Variants in RAB3C observed in about 807,000 individuals in gnomAD.
The protein encoded by RAB3C is ras-related protein Rab-3C.
Under a neutral mutation model 26.4 loss-of-function variants are expected in RAB3C, and 17 were observed. The ratio of observed to expected loss-of-function variants is 0.64; its 90% CI spans 0.44 to 0.97. The LOEUF (loss-of-function observed/expected upper bound fraction) is 0.97, where lower values mean the gene tolerates loss of function less well. Ranked by LOEUF, RAB3C falls within the 50% of genes least tolerant of loss-of-function variation. The pLI is 0.00. For missense variants in RAB3C, 242 were observed against 281.9 expected (o/e 0.86, Z 1.01); for synonymous variants, 91 against 95.9 (o/e 0.95, Z 0.30).
At chr5:58,744,952 G>A (rs555462643) in intron 3 of RAB3C, among the ~76,000 whole-genome samples, 3 of 152,098 alleles carry the variant, frequency 2.0e-5, no homozygotes, top group Admixed American at 6.6e-5. Flanking sequence ...CTGGTCACCA[G>A]GCCATTATTG....
At chr5:58,713,113 A>G (rs1320528829) in intron 2 of RAB3C, among the ~76,000 whole-genome samples, 1 of 152,166 alleles carries the variant, frequency 6.6e-6, no homozygotes, top group Admixed American at 6.6e-5. Context: ...GCCAGTAGGA[A>G]GACATAGACT....
At chr5:58,847,887 G>A (rs1433633639) in intron 4 of RAB3C, among the ~76,000 whole-genome samples, 2 of 151,734 alleles carry the variant, frequency 1.3e-5, no homozygotes, top group Admixed American at 1.3e-4. Flanking sequence ...ATGGAGTCTC[G>A]CTCTGTCACC....
chr5:58,716,829 A>C (rs796897005), intron 2 of RAB3C, among the ~76,000 whole-genome samples: 1 of 151,552 alleles, frequency 6.6e-6, no homozygotes, highest in East Asian at 1.9e-4. Flanking sequence ...CAACTCAGGC[A>C]GAACACAGGG....
chr5:58,858,385 A>C lies in RAB3C; in HGVS notation c.*7034A>C, dbSNP rs1744310581. ...TAATTTAAGGGTGTGGTTGAATTTT[A>C]GTTAGTTGTCACATAGTTATTGAAC... On this transcript the variant is annotated 3_prime_UTR_variant, in exon 5 of 5. Transcript: ENST00000282878. 6.6e-6 allele frequency: 1 copy of C among 152,194 alleles called. No homozygotes were observed. Among genetic ancestry groups the C allele is most frequent in the African/African-American group, 2.4e-5 (1 of 41,454 alleles). 9.4% of individuals were successfully genotyped at this position (152,194 alleles called of 1,614,324 possible). A position where few individuals can be genotyped will look rare whatever the true frequency, so the allele number is the denominator to read the frequency against.
At chr5:58,647,860 G>GA (rs1747559233) in intron 2 of RAB3C, 1 of 152,188 alleles carries the variant, frequency 6.6e-6, no homozygotes, top group Non-Finnish European at 1.5e-5. Context: ...CTTTGATAAT[G>GA]AGTATGATGT....
chr5:58,655,287 G>T lies in RAB3C; in HGVS notation c.252+37417G>T, dbSNP rs534723858. Among the ~76,000 whole-genome samples, 61 of 152,326 alleles carry T rather than the reference G, an allele frequency of 4.0e-4. No individual in the cohort carries two copies. In the South Asian group the frequency reaches 0.012, roughly 31 times the overall value. On this transcript the variant is annotated intron_variant, in intron 2 of 4. Transcript: ENST00000282878. ...CTCATCCAGTCAAGAGATGAATGAG[G>T]AGTCTTTGGCAAAAGGTTTTGCAGT...
At chr5:58,816,658 A>G (rs1743224983) in intron 3 of RAB3C, among the ~76,000 whole-genome samples, 1 of 152,150 alleles carries the variant, frequency 6.6e-6, no homozygotes, top group South Asian at 2.1e-4. Context: ...TGGGCCCTCA[A>G]ATTTTTATGA....
At chr5:58,645,850 G>C (rs1747506168) in intron 2 of RAB3C, among the ~76,000 whole-genome samples, 2 of 152,174 alleles carry the variant, frequency 1.3e-5, no homozygotes, top group African/African-American at 4.8e-5. Context: ...GGGGCCCACA[G>C]ATAACTGGGA....
chr5:58,705,667 T>C (rs898027243), intron 2 of RAB3C, among the ~76,000 whole-genome samples: 1 of 152,154 alleles, frequency 6.6e-6, no homozygotes, highest in Non-Finnish European at 1.5e-5. Flanking sequence ...CCACATTTTT[T>C]TATTGAAAGG....
intron 1 of RAB3C, among the ~76,000 whole-genome samples, chr5:58,608,424 GAC>G (rs1487224360): frequency 6.6e-6 from 1 of 152,110 alleles, no homozygotes; most frequent in Non-Finnish European, 1.5e-5. Flanking sequence ...GCAGCCAAAA[GAC>G]ACATGAAAAA....
At chr5:58,612,532 A>ATATGTATATATATATATATG (rs1554044134) in intron 1 of RAB3C, among the ~76,000 whole-genome samples, 2 of 87,204 alleles carry the variant, frequency 2.3e-5, no homozygotes, top group South Asian at 3.8e-4. Flanking sequence ...ATATATATAT[A>ATATGTATATATATATATATG]TATATATATA....
intron 3 of RAB3C, 79 bp downstream of exon 3, chr5:58,726,199 C>A: frequency 2.9e-6 from 2 of 694,854 alleles, no homozygotes; most frequent in East Asian, 2.7e-5. Flanking sequence ...AAGCAGTGAC[C>A]ATACCGCAAT....
At chr5:58,610,980 A>G (rs1178334793) in intron 1 of RAB3C, among the ~76,000 whole-genome samples, 1 of 151,662 alleles carries the variant, frequency 6.6e-6, no homozygotes, top group Non-Finnish European at 1.5e-5. Context: ...TCATTTAGCT[A>G]CCACTCGTAA....
chr5:58,850,978 G>A (rs1336596049), intron 4 of RAB3C, among the ~76,000 whole-genome samples, 186 bp from the exon 5 acceptor site: 1 of 152,110 alleles, frequency 6.6e-6, no homozygotes, highest in African/African-American at 2.4e-5. Flanking sequence ...CATGGTTAAT[G>A]GAGTAAGAGA....
At chr5:58,793,048 G>A (rs1192285920) in intron 3 of RAB3C, among the ~76,000 whole-genome samples, 2 of 151,984 alleles carry the variant, frequency 1.3e-5, no homozygotes, top group South Asian at 2.1e-4. Flanking sequence ...CATTCTTATT[G>A]CTTGTACCTG....
intron 3 of RAB3C, among the ~76,000 whole-genome samples, chr5:58,757,952 T>G (rs1741710883): frequency 2.0e-5 from 3 of 152,166 alleles, no homozygotes; most frequent in Admixed American, 6.5e-5. Context: ...TTGTTTTGTT[T>G]TGTTTTTGAG....
chr5:58,830,711 G>A (rs1036901992), intron 4 of RAB3C, among the ~76,000 whole-genome samples: 1 of 152,096 alleles, frequency 6.6e-6, no homozygotes, highest in African/African-American at 2.4e-5. Context: ...ATACGGTGGT[G>A]GAAGCCCTGA....
At chr5:58,836,852 A>T (rs1160696906) in intron 4 of RAB3C, among the ~76,000 whole-genome samples, 1 of 152,152 alleles carries the variant, frequency 6.6e-6, no homozygotes, top group Non-Finnish European at 1.5e-5. Flanking sequence ...GGGGGTGCAG[A>T]TGTCTCTTTG....
chr5:58,823,176 T>A, intron 3 of RAB3C: 1 of 344,724 alleles, frequency 2.9e-6, no homozygotes, highest in Non-Finnish European at 5.6e-6. Context: ...AAGAAACGGT[T>A]CTTTCCGTTC....
Sources: allele counts gnomAD v4.1 joint callset (sites outside exome capture counted in the v4.1 genomes callset), GRCh38; gene constraint gnomAD v4.1.1; transcripts MANE v1.5; gene names NCBI Gene and HGNC (gene_info 2026-07-23, HGNC 2026-07-21).